CEP89: variants seen among roughly 807,000 people sequenced by gnomAD.
CEP89 encodes the protein centrosomal protein of 89 kDa.
A neutral mutation model predicts 97.6 loss-of-function variants in CEP89; 95 were observed. The ratio of observed to expected loss-of-function variants is 0.97; its 90% CI spans 0.82 to 1.15. CEP89 has a LOEUF of 1.15. Ranked by LOEUF, CEP89 falls within the 50% of genes most tolerant of loss-of-function variation. The probability of loss-of-function intolerance (pLI) is 0.00; values close to 1 mark genes in which losing one functional copy is unlikely to be tolerated. For missense variants in CEP89, 869 were observed against 947.7 expected (o/e 0.92, Z 1.09); for synonymous variants, 354 against 349.1 (o/e 1.01, Z -0.16).
At chr19:32,929,920 A>G (rs1193131411) in intron 9 of CEP89, among the ~76,000 whole-genome samples, 3 of 152,206 alleles carry the variant, frequency 2.0e-5, no homozygotes, top group Non-Finnish European at 4.4e-5. Flanking sequence ...TCATAGAGAC[A>G]GAAAATAGAT....
intron 16 of CEP89, among the ~76,000 whole-genome samples, chr19:32,890,129 G>A (rs992486009): frequency 3.9e-5 from 6 of 152,104 alleles, no homozygotes; most frequent in African/African-American, 1.2e-4. Flanking sequence ...GTTTTCAGCC[G>A]GGCACGGTGG....
At chr19:32,916,264 C>T (rs889828986) in intron 13 of CEP89, among the ~76,000 whole-genome samples, 16 of 152,070 alleles carry the variant, frequency 1.1e-4, no homozygotes, top group African/African-American at 2.9e-4. Context: ...GATGACACAG[C>T]GAGACCTTGT....
At chr19:32,918,868 TTTTC>T (rs201388673) in intron 12 of CEP89, among the ~76,000 whole-genome samples, 3,752 of 128,920 alleles carry the variant, frequency 0.029, 181 homozygotes, top group African/African-American at 0.1. Flanking sequence ...CTTTTTTCTT[TTTTC>T]TTTTTCTTTT....
intron 16 of CEP89, among the ~76,000 whole-genome samples, chr19:32,890,602 C>T (rs980567702): frequency 3.3e-5 from 5 of 152,066 alleles, no homozygotes; most frequent in South Asian, 4.2e-4. Flanking sequence ...GAGAGGGAGA[C>T]GACAGCCCAG....
At chr19:32,954,357 G>T (rs1055768969) in intron 3 of CEP89, among the ~76,000 whole-genome samples, 7 of 140,646 alleles carry the variant, frequency 5.0e-5, no homozygotes, top group African/African-American at 1.8e-4. Context: ...ATGAATAAGG[G>T]TTTTTTGTTT....
At chr19:32,906,446 C>T (rs1454921756) in intron 14 of CEP89, among the ~76,000 whole-genome samples, 1 of 152,138 alleles carries the variant, frequency 6.6e-6, no homozygotes, top group Admixed American at 6.5e-5. Context: ...CTCCATGTGC[C>T]TTGTGCCTGA....
At position 32,953,756 on chromosome 19, in the gene CEP89, G is replaced by C; in HGVS notation, c.351C>G (p.Ser117=). ...SEMGRRSSLP[S]FETLDYGDEE... is the part of the protein sequence containing the mutation. ...CGTCCCCATAGTCCAGTGTTTCAAA[G>C]GATGGCAAAGAAGATCTTCTTCCCA... is the stretch of plus-strand genomic sequence containing the variant. The change falls in exon 4 of 19, where the codon TCC becomes TCG. Residue 117 remains serine (S), a synonymous_variant. Transcript: ENST00000305768. 6.2e-7 allele frequency: 1 copy of C among 1,613,968 alleles called. No homozygotes were observed. The highest frequency in any genetic ancestry group is 8.5e-7 in the Non-Finnish European group (1 of 1,179,980).
At chr19:32,925,768 G>A (rs950561057) in intron 11 of CEP89, among the ~76,000 whole-genome samples, 4 of 152,008 alleles carry the variant, frequency 2.6e-5, no homozygotes, top group African/African-American at 7.3e-5. Flanking sequence ...GATTACAGGC[G>A]TGAGCCACCG....
chr19:32,917,618 G>A (rs553339553), intron 13 of CEP89, among the ~76,000 whole-genome samples: 1 of 152,296 alleles, frequency 6.6e-6, no homozygotes, highest in Admixed American at 6.5e-5. Flanking sequence ...ACTATCTTTT[G>A]TACTCATGAA....
At chr19:32,955,391 GT>G (rs993361883) in intron 3 of CEP89, among the ~76,000 whole-genome samples, 1 of 152,046 alleles carries the variant, frequency 6.6e-6, no homozygotes, top group Non-Finnish European at 1.5e-5. Flanking sequence ...CTTAGGTGGG[GT>G]TTTTTTCCTT....
rs568725462 is a variant in CEP89 at position 32,896,998 on chromosome 19, A to G, written c.1875+2859T>C. On this transcript the variant is annotated intron_variant, in intron 16 of 18. Transcript: ENST00000305768. Reference sequence around the variant, plus strand: ...TCATCTTACTCCAGTTAGAATGGCTATCATTAAAAAGACAAAAAATAACAG... The same window carrying G: ...TCATCTTACTCCAGTTAGAATGGCTGTCATTAAAAAGACAAAAAATAACAG... Among the ~76,000 whole-genome samples, 64 of 152,366 alleles carry G rather than the reference A, an allele frequency of 4.2e-4. 1 individual carries two copies. Among genetic ancestry groups the G allele is most frequent in the African/African-American group, 1.5e-3 (64 of 41,592 alleles).
At chr19:32,887,124 G>A (rs1184851573) in intron 17 of CEP89, among the ~76,000 whole-genome samples, 3 of 151,618 alleles carry the variant, frequency 2.0e-5, no homozygotes, top group African/African-American at 4.8e-5. Flanking sequence ...CCGGGAGTTC[G>A]AGGCTGCAGT....
chr19:32,927,967 G>C (rs1469340557), intron 9 of CEP89, among the ~76,000 whole-genome samples: 1 of 144,572 alleles, frequency 6.9e-6, no homozygotes, highest in African/African-American at 2.6e-5. Context: ...ACAGGCTGGA[G>C]TACAGTGGTA....
chr19:32,965,149 G>A (rs2145975960), intron 2 of CEP89, among the ~76,000 whole-genome samples: 2 of 152,258 alleles, frequency 1.3e-5, no homozygotes, highest in East Asian at 3.9e-4. Context: ...CTGGGCACAA[G>A]CAATTCTCCT....
intron 14 of CEP89, among the ~76,000 whole-genome samples, chr19:32,902,923 G>A (rs1334441732): frequency 1.3e-5 from 2 of 152,168 alleles, no homozygotes; most frequent in Non-Finnish European, 2.9e-5. Context: ...GAATGGAAAG[G>A]CCTTATAATA....
At chr19:32,959,788 C>T in intron 3 of CEP89, 112 bp downstream of exon 3, 1 of 1,194,294 alleles carries the variant, frequency 8.4e-7, no homozygotes, top group Non-Finnish European at 1.2e-6. Flanking sequence ...CACGCACCCA[C>T]ACAGGTACAC....
chr19:32,962,695 GAGAGA>G (rs1279492541), intron 2 of CEP89, among the ~76,000 whole-genome samples: 4 of 152,290 alleles, frequency 2.6e-5, no homozygotes, highest in South Asian at 2.1e-4. Flanking sequence ...GCCATAGATA[GAGAGA>G]AAAGACTTGC....
intron 18 of CEP89, among the ~76,000 whole-genome samples, chr19:32,880,642 A>G (rs1378194391): frequency 1.5e-5 from 1 of 67,640 alleles, no homozygotes; most frequent in African/African-American, 5.5e-5. Context: ...TTGTATTTAA[A>G]AAAAAAAAAA....
At chr19:32,904,532 A>T (rs972111813) in intron 14 of CEP89, among the ~76,000 whole-genome samples, 4 of 152,132 alleles carry the variant, frequency 2.6e-5, no homozygotes, top group Non-Finnish European at 5.9e-5. Context: ...TTAATTAAAA[A>T]AATTTTTTCT....
Sources: gnomAD v4.1 joint callset for allele counts (sites outside exome capture counted in the v4.1 genomes callset) on GRCh38, gnomAD v4.1.1 for gene constraint, MANE v1.5 for transcripts, NCBI Gene and HGNC (gene_info 2026-07-23, HGNC 2026-07-21) for gene names.